The following TEX9 variants were observed in gnomAD, a reference collection of about 807,000 sequenced individuals.
The protein encoded by TEX9 is testis expressed 9.
TEX9 carries 74 observed loss-of-function variants against 59.6 expected under a neutral mutation model. The ratio of observed to expected loss-of-function variants is 1.24; its 90% confidence interval spans 1.03 to 1.51. TEX9 has a LOEUF of 1.51. Ranked by LOEUF, TEX9 falls within the 40% of genes most tolerant of loss-of-function variation. The probability of loss-of-function intolerance (pLI) is 0.00; values close to 1 mark genes in which losing one functional copy is unlikely to be tolerated. For missense variants in TEX9, 522 were observed against 447.8 expected, an observed-to-expected ratio of 1.17 and a Z score of -1.49; for synonymous variants, 186 against 152.2, an observed-to-expected ratio of 1.22 and a Z score of -1.64.
intron 1 of TEX9, among the ~76,000 whole-genome samples, chr15:56,345,373 G>A (rs1254135483): frequency 6.6e-6 from 1 of 152,096 alleles, no homozygotes; most frequent in Non-Finnish European, 1.5e-5. Context: ...AATTACTAAT[G>A]GCAAACAACT....
intron 12 of TEX9, chr15:56,444,535 C>A: frequency 6.3e-7 from 1 of 1,599,964 alleles, no homozygotes. Context: ...TTTTTTTTTT[C>A]TTGTTCTTCA....
intron 2 of TEX9, among the ~76,000 whole-genome samples, chr15:56,370,407 T>C (rs2047143434): frequency 6.6e-6 from 1 of 152,206 alleles, no homozygotes; most frequent in South Asian, 2.1e-4. Flanking sequence ...ATTTCCTCCT[T>C]CCTGAAGTGT....
intron 1 of TEX9, among the ~76,000 whole-genome samples, chr15:56,333,221 C>A (rs137940754): frequency 5.1e-4 from 78 of 152,096 alleles, no homozygotes; most frequent in African/African-American, 1.8e-3. Context: ...AAAAAAGAAA[C>A]CTACAGGCCG....
In TEX9 at chr15:56,334,487, G is replaced by A. The variant is rs574571661; in HGVS notation, c.-106-38954G>A. On this transcript the variant is annotated intron_variant, in intron 1 of 5. Coordinates refer to the TEX9 transcript ENST00000560827. Reference sequence around the variant, plus strand: ...AAGAATGAAATTGGACCTCGGTCTCGTGCCATATACAAAAATCAAAATGAT... The same window carrying A: ...AAGAATGAAATTGGACCTCGGTCTCATGCCATATACAAAAATCAAAATGAT... Among the ~76,000 whole-genome samples, 5 of 152,102 alleles carry A rather than the reference G, an allele frequency of 3.3e-5. No individual in the cohort carries two copies. The South Asian group carries it at 1.0e-3, about 32-fold the overall frequency.
intron 3 of TEX9, among the ~76,000 whole-genome samples, chr15:56,380,999 G>T (rs1311781294): frequency 6.6e-6 from 1 of 152,068 alleles, no homozygotes; most frequent in Non-Finnish European, 1.5e-5. Flanking sequence ...TTATCCCTTC[G>T]AATAAACTTT....
intron 9 of TEX9, chr15:56,410,178 C>T (rs1478427681): frequency 1.3e-5 from 2 of 152,148 alleles, no homozygotes; most frequent in Admixed American, 6.5e-5. Context: ...TTTTCTGATT[C>T]CTAGTCCATT....
At chr15:56,424,941 G>A (rs2050170098) in intron 10 of TEX9, among the ~76,000 whole-genome samples, 1 of 151,988 alleles carries the variant, frequency 6.6e-6, no homozygotes, top group Non-Finnish European at 1.5e-5. Flanking sequence ...AAAATACAGT[G>A]GTAATGAAGT....
downstream of TEX9, among the ~76,000 whole-genome samples, chr15:56,450,406 C>T (rs547554770): frequency 5.3e-5 from 8 of 152,228 alleles, no homozygotes; most frequent in South Asian, 1.0e-3. Context: ...ACCTCTTAAA[C>T]GATAACTCCC....
chr15:56,277,263 A>T (rs1412063414), intron 1 of TEX9, among the ~76,000 whole-genome samples: 3 of 152,082 alleles, frequency 2.0e-5, no homozygotes, highest in Non-Finnish European at 4.4e-5. Context: ...CTATGTCCTG[A>T]ATGGTATTGC....
intron 12 of TEX9, chr15:56,431,346 T>C: frequency 6.2e-7 from 1 of 1,606,984 alleles, no homozygotes; most frequent in Non-Finnish European, 8.5e-7. Flanking sequence ...GTCATGAAGA[T>C]TACAACTTGA....
chr15:56,427,292 A>AAT (rs4002381), intron 10 of TEX9, among the ~76,000 whole-genome samples: 125,614 of 151,952 alleles, frequency 0.83, 53,114 homozygotes, highest in South Asian at 0.95. Context: ...ACGTTTTTAA[A>AAT]ATGTTTTCAA....
chr15:56,442,704 C>A (rs2050839427), intron 12 of TEX9, among the ~76,000 whole-genome samples: 1 of 151,992 alleles, frequency 6.6e-6, no homozygotes, highest in African/African-American at 2.4e-5. Context: ...CACGTGGACA[C>A]AAAGAAGGAA....
intron 1 of TEX9, among the ~76,000 whole-genome samples, chr15:56,353,142 T>C (rs2046617204): frequency 6.6e-6 from 1 of 152,160 alleles, no homozygotes; most frequent in South Asian, 2.1e-4. Flanking sequence ...TTCTAGGATG[T>C]CAATACCATG....
chr15:56,259,879 A>G (rs1458367701), intron 1 of TEX9, among the ~76,000 whole-genome samples: 1 of 152,086 alleles, frequency 6.6e-6, no homozygotes, highest in Non-Finnish European at 1.5e-5. Flanking sequence ...AAATCCATGA[A>G]CATGGTATAT....
In TEX9 at chr15:56,335,600, T is replaced by C. The variant is rs761969385; in HGVS notation, c.-106-37841T>C. On this transcript the variant is annotated intron_variant, in intron 1 of 5. Transcript: ENST00000560827. The stretch of plus-strand genomic sequence containing the variant: ...AATATTTGCTAGCATAACAGGGTGA[T>C]TATAGTAAAAACTAATTTAGTTGTA... Among the ~76,000 whole-genome samples the C allele has an allele frequency of 9.2e-5, 14 of 152,256 alleles. No homozygotes were observed. In the Middle Eastern group the frequency reaches 0.01, roughly 111 times the overall value.
At chr15:56,308,758 T>C (rs1458602688) in intron 1 of TEX9, among the ~76,000 whole-genome samples, 2 of 152,170 alleles carry the variant, frequency 1.3e-5, no homozygotes, top group African/African-American at 4.8e-5. Flanking sequence ...CCAACTTCAT[T>C]TTTTGTATAA....
chr15:56,408,549 C>T (rs1344143019), intron 9 of TEX9: 1 of 152,296 alleles, frequency 6.6e-6, no homozygotes, highest in African/African-American at 2.4e-5. Context: ...CTTGCCCTTA[C>T]CTCTTCCTTT....
chr15:56,325,883 G>C (rs1372325745), intron 1 of TEX9, among the ~76,000 whole-genome samples: 1 of 152,172 alleles, frequency 6.6e-6, no homozygotes, highest in African/African-American at 2.4e-5. Context: ...TCTACGTTTT[G>C]TGACTGTGCA....
In TEX9 at chr15:56,444,458, A is replaced by G; in HGVS notation, c.*30-1213A>G. ...GATAAACTTACAACTGATCTTCTTC[A>G]TAGATCTTCCTAACAATTTCATCAA... is the stretch of plus-strand genomic sequence containing the variant. On this transcript the variant is annotated intron_variant, in intron 12 of 12. Coordinates refer to ENST00000352903, the Ensembl canonical transcript of TEX9. 1.9e-6 allele frequency: 3 copies of G among 1,606,468 alleles called. No homozygotes were observed. In the South Asian group the frequency reaches 3.4e-5, roughly 18 times the overall value.
Sources: allele counts gnomAD v4.1 joint callset (sites outside exome capture counted in the v4.1 genomes callset), GRCh38; gene constraint gnomAD v4.1.1; transcripts MANE v1.5; gene names NCBI Gene and HGNC (gene_info 2026-07-23, HGNC 2026-07-21).